Variants in PLA2G6 observed in about 807,000 individuals in gnomAD.
The protein encoded by PLA2G6 is phospholipase A2 group VI, also known as 85/88 kDa calcium-independent phospholipase A2.
A neutral mutation model predicts 83.8 loss-of-function variants in PLA2G6; 62 were observed. The observed-to-expected ratio is 0.74, with a 90% CI of 0.60 to 0.91. The LOEUF is 0.91. PLA2G6 is among the 40% of genes least tolerant of loss of function. The pLI is 0.00. For synonymous variants in PLA2G6, 417 were observed against 449.8 expected, an observed-to-expected ratio of 0.93 and a Z score of 0.92; for missense variants, 944 against 1,102.0, an observed-to-expected ratio of 0.86 and a Z score of 2.03.
At chr22:38,169,174 G>A (rs1330820724) in intron 2 of PLA2G6, 44 bp downstream of exon 2, 9 of 1,446,794 alleles carry the variant, frequency 6.2e-6, no homozygotes, top group Admixed American at 3.4e-5. Flanking sequence ...CGAGACGTGG[G>A]GGAGTGAAAG....
chr22:38,148,942 C>T, intron 2 of PLA2G6: 1 of 169,978 alleles, frequency 5.9e-6, no homozygotes. Flanking sequence ...TCTCGGCTCA[C>T]TGCAACCTCT....
At chr22:38,174,558 G>A (rs192433826) in intron 1 of PLA2G6, among the ~76,000 whole-genome samples, 255 of 152,252 alleles carry the variant, frequency 1.7e-3, no homozygotes, top group Non-Finnish European at 3.0e-3. Flanking sequence ...TCCCTGTCTC[G>A]CCAAGTGCAC....
At chr22:38,143,061 C>A in intron 4 of PLA2G6, 44 bp downstream of exon 4, 2 of 1,576,212 alleles carry the variant, frequency 1.3e-6, no homozygotes, top group Non-Finnish European at 1.7e-6. Context: ...CCGTGGACAC[C>A]GGGAGGTATC....
rs1569237474 is a variant in PLA2G6, at chr22:38,111,745, G to A, written c.*416C>T. Reference sequence around the variant, plus strand: ...CCAGGGAACGGAGCAGAGGGCAGAGGGAGTGGGCTGCACCCACCAGGAAGC... The same window carrying A: ...CCAGGGAACGGAGCAGAGGGCAGAGAGAGTGGGCTGCACCCACCAGGAAGC... On this transcript the variant is annotated 3_prime_UTR_variant, in exon 17 of 17. Coordinates refer to ENST00000332509, the MANE Select transcript of PLA2G6 (RefSeq NM_003560.4). The A allele has an allele frequency of 3.8e-5, 12 of 316,916 alleles. No homozygotes were observed. Among genetic ancestry groups the A allele is most frequent in the Non-Finnish European group, 3.7e-5 (6 of 160,808 alleles). 19.6% of individuals were successfully genotyped at this position (316,916 alleles called of 1,614,324 possible).
chr22:38,168,430 G>C (rs2090305091), intron 2 of PLA2G6, among the ~76,000 whole-genome samples: 1 of 152,244 alleles, frequency 6.6e-6, no homozygotes, highest in Admixed American at 6.5e-5. Flanking sequence ...CCTCAGGCCT[G>C]TCCTGGCTTT....
intron 3 of PLA2G6, 67 bp from the exon 4 acceptor site, chr22:38,143,355 T>G: frequency 2.0e-6 from 3 of 1,484,720 alleles, no homozygotes; most frequent in Non-Finnish European, 2.8e-6. Context: ...GGGACCTAAG[T>G]GCACATGCAG....
intron 12 of PLA2G6, among the ~76,000 whole-genome samples, chr22:38,119,171 G>A (rs554827597): frequency 1.6e-4 from 25 of 152,238 alleles, no homozygotes; most frequent in African/African-American, 6.0e-4. Flanking sequence ...CCAAGGTGGA[G>A]GATCTGCCAC....
rs201204692 is a variant in PLA2G6, at chr22:38,143,932, C to T, written c.426-644G>A. 5.7e-5 allele frequency: 10 copies of T among 175,170 alleles called. No homozygotes were observed. In the East Asian group the frequency reaches 8.4e-4, roughly 15 times the overall value. 10.9% of individuals were successfully genotyped at this position (175,170 alleles called of 1,614,324 possible). The stretch of plus-strand genomic sequence containing the variant: ...TAATTTTTTGTATTTTTAGTAGAGA[C>T]GGGGTTTCACCACGTTGGCCAGGCT... On this transcript the variant is annotated intron_variant, in intron 3 of 16. Transcript: ENST00000332509.
rs747074503 is a variant in PLA2G6 at position 38,126,445 on chromosome 22, T to C, written c.1353A>G (p.Leu451=). 3.7e-6 allele frequency: 6 copies of C among 1,612,710 alleles called. No homozygotes were observed. Among genetic ancestry groups the C allele is most frequent in the South Asian group, 3.3e-5 (3 of 91,068 alleles). The change falls in exon 10 of 17, where the codon CTA becomes CTG. Residue 451 remains leucine (L), a synonymous_variant. Coordinates refer to ENST00000332509, the MANE Select transcript of PLA2G6 (RefSeq NM_003560.4). ...PPPISLNNLE[L]QDLMHISRAR... Reference sequence around the variant, plus strand: ...CCCGTGAGATGTGCATGAGATCCTGTAGTTCTGTGAGGCACAGAGCAGGGC... The same window carrying C: ...CCCGTGAGATGTGCATGAGATCCTGCAGTTCTGTGAGGCACAGAGCAGGGC...
In PLA2G6 at chr22:38,123,384, C is replaced by A. The variant is rs988002107; in HGVS notation, c.1428-126G>T. On this transcript the variant is annotated intron_variant, in intron 10 of 16. Coordinates refer to ENST00000332509, the MANE Select transcript of PLA2G6 (RefSeq NM_003560.4). This position sits in a 1 kb window ranked among gnomAD's most constrained non-coding sequence, Gnocchi z 4.1. Reference sequence around the variant, plus strand: ...GACAGACCCAGACGGACCCGAGGAACTTCTGTCCTATGCAGGACAGCGAGG... The same window carrying A: ...GACAGACCCAGACGGACCCGAGGAAATTCTGTCCTATGCAGGACAGCGAGG... The A allele has an allele frequency of 6.1e-6, 6 of 983,938 alleles. No homozygotes were observed. In the African/African-American group the frequency reaches 8.0e-5, roughly 13 times the overall value. The allele number at this position is 983,938 out of a possible 1,614,324, so 61.0% of individuals were successfully genotyped here.
chr22:38,119,940 AC>A (rs1400754911), intron 12 of PLA2G6, among the ~76,000 whole-genome samples: 2 of 151,986 alleles, frequency 1.3e-5, no homozygotes, highest in Non-Finnish European at 2.9e-5. Flanking sequence ...AAAAACAAAA[AC>A]CTAGAAACAC....
chr22:38,129,553 C>T lies in PLA2G6; in HGVS notation c.1087G>A (p.Val363Met), dbSNP rs144168978. 3.4e-5 allele frequency: 55 copies of T among 1,612,420 alleles called. No individual in the cohort carries two copies. Among genetic ancestry groups the T allele is most frequent in the Non-Finnish European group, 4.2e-5 (49 of 1,178,566 alleles). Residue 363 changes from valine (V) to methionine (M), a missense_variant, in exon 8 of 17, where the codon GTG becomes ATG. Transcript: ENST00000332509. ...ACGATGAGGGCCTTGATCATCTCCA[C>T]GTTGTCTTTCTGTTGGAGATGGAGA... ...PLHLAMSKDN[V>M]EMIKALIVFG...
chr22:38,112,993 G>A (rs1402741211), intron 15 of PLA2G6: 3 of 350,182 alleles, frequency 8.6e-6, no homozygotes, highest in Non-Finnish European at 1.6e-5. Flanking sequence ...TGCAGCCTCT[G>A]CCTCTTGGGC....
At chr22:38,149,503 G>A (rs1298574837) in intron 2 of PLA2G6, 1 of 152,058 alleles carries the variant, frequency 6.6e-6, no homozygotes, top group Admixed American at 6.6e-5. Context: ...ACAAAATATA[G>A]TAGAGTACAT....
chr22:38,122,200 C>T (rs1289876413), intron 11 of PLA2G6, among the ~76,000 whole-genome samples: 1 of 152,064 alleles, frequency 6.6e-6, no homozygotes, highest in African/African-American at 2.4e-5. Context: ...TGATACCCAC[C>T]CTAGGGTGGG....
At chr22:38,127,109 C>T (rs1276009619) in intron 9 of PLA2G6, 4 of 1,120,852 alleles carry the variant, frequency 3.6e-6, no homozygotes, top group Non-Finnish European at 4.4e-6. Flanking sequence ...GCCCAGTCCC[C>T]AGGTGCCTGG....
chr22:38,129,681 G>A (rs1195847592), intron 7 of PLA2G6, 119 bp from the exon 8 acceptor site: 9 of 744,732 alleles, frequency 1.2e-5, no homozygotes, highest in Non-Finnish European at 2.2e-5. Context: ...TCAGCACGGG[G>A]AGACACTGGA....
chr22:38,157,555 T>A (rs1010238902), intron 2 of PLA2G6, among the ~76,000 whole-genome samples: 1 of 152,026 alleles, frequency 6.6e-6, no homozygotes, highest in Non-Finnish European at 1.5e-5. Flanking sequence ...CCAACCCTAC[T>A]CAAACTATTA....
chr22:38,128,500 C>T lies in PLA2G6; in HGVS notation c.1187-70G>A. 4 of 1,514,172 alleles carry T rather than the reference C, an allele frequency of 2.6e-6. No individual in the cohort carries two copies. The highest frequency in any genetic ancestry group is 2.3e-5 in the East Asian group (1 of 43,560). The allele number at this position is 1,514,172 out of a possible 1,614,324, so 93.8% of individuals were successfully genotyped here. On this transcript the variant is annotated intron_variant, in intron 8 of 16. Transcript: ENST00000332509. This position sits in a 1 kb window ranked among gnomAD's most constrained non-coding sequence, Gnocchi z 4.4. ...GATGTCAACATGCAAAGGAGAGGCCCCTCCTTTCCACACTCCGTCCCCTGT... is the reference window on the plus strand; with the variant it reads ...GATGTCAACATGCAAAGGAGAGGCCTCTCCTTTCCACACTCCGTCCCCTGT...
Sources: gnomAD v4.1 joint callset for allele counts (sites outside exome capture counted in the v4.1 genomes callset) on GRCh38, gnomAD v4.1.1 for gene constraint, Gnocchi (gnomAD v3.1) non-coding constraint, MANE v1.5 for transcripts, NCBI Gene and HGNC (gene_info 2026-07-23, HGNC 2026-07-21) for gene names.